SYT14: variants seen among roughly 807,000 people sequenced by gnomAD.
The protein encoded by SYT14 is synaptotagmin-14.
A neutral mutation model predicts 74.2 loss-of-function variants in SYT14; 32 were observed. The ratio of observed to expected loss-of-function variants is 0.43; its 90% CI spans 0.33 to 0.58. The LOEUF is 0.58. Ranked by LOEUF, SYT14 falls within the 20% of genes least tolerant of loss-of-function variation. The pLI is 0.05. For missense variants in SYT14, 791 were observed against 981.8 expected (o/e 0.81, Z 2.60); for synonymous variants, 298 against 337.7 (o/e 0.88, Z 1.29).
chr1:209,953,200 T>A (rs2078940136), intron 2 of SYT14: 1 of 1,287,490 alleles, frequency 7.8e-7, no homozygotes, highest in Non-Finnish European at 1.0e-6. Flanking sequence ...CAACTGTCTA[T>A]GCTTCCTTAG....
intron 2 of SYT14, among the ~76,000 whole-genome samples, chr1:210,010,974 G>T (rs2080076185): frequency 6.6e-6 from 1 of 152,060 alleles, no homozygotes; most frequent in South Asian, 2.1e-4. Flanking sequence ...TCTGCTGTAT[G>T]GTTTTGTGCT....
chr1:210,129,824 A>G (rs2082637793), intron 7 of SYT14, among the ~76,000 whole-genome samples: 1 of 152,166 alleles, frequency 6.6e-6, no homozygotes, highest in Non-Finnish European at 1.5e-5. Context: ...ATTACACTAG[A>G]ATGAGTTGGA....
rs564948958 is a variant in SYT14 at position 210,003,719 on chromosome 1, T to TG, written c.-485-9913dup. ...GAAAGCAGCTTGCTGACCAGTCACT[T>TG]GCTGGCAATGCTTCTTAACTTGCTC... On this transcript the variant is annotated intron_variant, in intron 2 of 9. Transcript: ENST00000637265. Among the ~76,000 whole-genome samples the TG allele has an allele frequency of 7.9e-5, 12 of 152,282 alleles. No homozygotes were observed. In the East Asian group the frequency reaches 1.5e-3, roughly 20 times the overall value.
chr1:209,966,280 A>C (rs983941213), intron 2 of SYT14, among the ~76,000 whole-genome samples: 4 of 152,126 alleles, frequency 2.6e-5, no homozygotes, highest in Non-Finnish European at 5.9e-5. Flanking sequence ...CAAGTCTATA[A>C]ATTTTATTTG....
At chr1:209,948,933 C>T (rs1292026376) in intron 1 of SYT14, among the ~76,000 whole-genome samples, 1 of 152,050 alleles carries the variant, frequency 6.6e-6, no homozygotes, top group Non-Finnish European at 1.5e-5. Flanking sequence ...AGTCTCTTCC[C>T]AAAGATACTG....
chr1:209,948,176 C>G (rs916252498), intron 1 of SYT14, among the ~76,000 whole-genome samples: 6 of 152,176 alleles, frequency 3.9e-5, no homozygotes, highest in Non-Finnish European at 8.8e-5. Flanking sequence ...TGAGGTATAC[C>G]TGTACCTGGA....
chr1:209,995,272 G>T (rs1003047678), intron 2 of SYT14, among the ~76,000 whole-genome samples: 8 of 152,154 alleles, frequency 5.3e-5, no homozygotes, highest in Admixed American at 1.3e-4. Flanking sequence ...GACACCTGTA[G>T]GCGCAAAGGA....
In SYT14 at chr1:209,997,543, A is replaced by C. The variant is rs535391737; in HGVS notation, c.-485-16090A>C. On this transcript the variant is annotated intron_variant, in intron 2 of 9. Coordinates refer to ENST00000637265, the Ensembl canonical transcript of SYT14. The stretch of plus-strand genomic sequence containing the variant: ...TATCGTTAAAATGGCCACACTGCCC[A>C]GTGCAATCTACAGGTTCAATGCTAT... Among the ~76,000 whole-genome samples, 250 of 152,266 alleles carry C rather than the reference A, an allele frequency of 1.6e-3. 1 individual carries two copies. Among genetic ancestry groups the C allele is most frequent in the Non-Finnish European group, 2.7e-3 (186 of 67,964 alleles).
At chr1:210,077,747 T>TA (rs2081532263) in intron 5 of SYT14, among the ~76,000 whole-genome samples, 1 of 152,206 alleles carries the variant, frequency 6.6e-6, no homozygotes, top group Admixed American at 6.5e-5. Flanking sequence ...TACCGATACT[T>TA]ACTATTGTCT....
At chr1:210,168,138 G>A (rs111292544) in exon 10 of SYT14, 14 of 153,218 alleles carry the variant, frequency 9.1e-5, no homozygotes, top group African/African-American at 3.1e-4. Context: ...ATTATGTTGT[G>A]TGGGCTGGGA....
exon 8 of SYT14, chr1:210,155,779 G>C: frequency 1.2e-6 from 2 of 1,614,020 alleles, no homozygotes; most frequent in Non-Finnish European, 1.7e-6. Context: ...ACATCCTCAT[G>C]TCAGTCTCTT....
intron 2 of SYT14, chr1:209,952,997 G>T: frequency 1.4e-6 from 2 of 1,418,532 alleles, no homozygotes; most frequent in Non-Finnish European, 1.9e-6. Flanking sequence ...TAGCATATTG[G>T]TTGTTAGACA....
intron 7 of SYT14, among the ~76,000 whole-genome samples, chr1:210,101,204 G>A (rs753108730): frequency 3.3e-5 from 5 of 152,076 alleles, no homozygotes; most frequent in Admixed American, 2.0e-4. Context: ...ATGCCACATA[G>A]TTATTTAGAT....
At chr1:209,980,707 C>CCTTTTTAATCCCATTG (rs1653748377) in intron 2 of SYT14, among the ~76,000 whole-genome samples, 1 of 152,072 alleles carries the variant, frequency 6.6e-6, no homozygotes, top group Non-Finnish European at 1.5e-5. Flanking sequence ...AATAGGGAGC[C>CCTTTTTAATCCCATTG]CTTATCCCAT....
chr1:210,050,734 A>C (rs1173303111), intron 5 of SYT14, among the ~76,000 whole-genome samples: 6 of 152,180 alleles, frequency 3.9e-5, no homozygotes, highest in Non-Finnish European at 7.3e-5. Context: ...TTGTACAGGG[A>C]AACTCCCCTT....
intron 7 of SYT14, among the ~76,000 whole-genome samples, chr1:210,110,972 G>A (rs1025654819): frequency 1.3e-5 from 2 of 152,254 alleles, no homozygotes; most frequent in Admixed American, 6.5e-5. Flanking sequence ...TTGAACTCCC[G>A]ACTTCAGGTG....
At chr1:210,151,770 A>G (rs2083169215) in intron 7 of SYT14, among the ~76,000 whole-genome samples, 2 of 152,220 alleles carry the variant, frequency 1.3e-5, no homozygotes, top group African/African-American at 2.4e-5. Context: ...GAATGTGATC[A>G]ACAAGGATCT....
chr1:209,989,957 C>T (rs749641054), intron 2 of SYT14, among the ~76,000 whole-genome samples: 4 of 151,930 alleles, frequency 2.6e-5, no homozygotes, highest in Non-Finnish European at 4.4e-5. Flanking sequence ...CTTTTCATCA[C>T]GTTTAAAGCC....
At chr1:210,129,988 T>G (rs2082641159) in intron 7 of SYT14, among the ~76,000 whole-genome samples, 1 of 152,190 alleles carries the variant, frequency 6.6e-6, no homozygotes, top group Non-Finnish European at 1.5e-5. Context: ...CTTTCATATC[T>G]TCTTCTTCAC....
Sources: gnomAD v4.1 joint callset for allele counts (sites outside exome capture counted in the v4.1 genomes callset) on GRCh38, gnomAD v4.1.1 for gene constraint, MANE v1.5 for transcripts, NCBI Gene and HGNC (gene_info 2026-07-23, HGNC 2026-07-21) for gene names.